STPG2: variants seen among roughly 807,000 people sequenced by gnomAD.
The protein encoded by STPG2 is sperm tail PG-rich repeat containing 2.
STPG2 carries 56 observed loss-of-function variants against 54.2 expected under a neutral mutation model. That is an observed-to-expected ratio of 1.03 (90% confidence interval 0.83 to 1.29). The LOEUF is 1.29. STPG2 is among the 50% of genes most tolerant of loss of function. STPG2 has a pLI of 0.00. For synonymous variants in STPG2, 200 were observed against 181.8 expected (o/e 1.10, Z -0.81); for missense variants, 596 against 544.9 (o/e 1.09, Z -0.93).
At chr4:97,701,663 G>T (rs1415769512) in intron 10 of STPG2, among the ~76,000 whole-genome samples, 1 of 152,152 alleles carries the variant, frequency 6.6e-6, no homozygotes, top group Non-Finnish European at 1.5e-5. Flanking sequence ...TTAGTCTTTT[G>T]TCCATTCAAC....
At chr4:97,889,404 T>A (rs956193182) in intron 8 of STPG2, among the ~76,000 whole-genome samples, 2 of 152,180 alleles carry the variant, frequency 1.3e-5, no homozygotes, top group Non-Finnish European at 2.9e-5. Flanking sequence ...GTAGTCAAGA[T>A]ATGGAATAAA....
chr4:98,019,748 G>A (rs1156367905), intron 5 of STPG2, among the ~76,000 whole-genome samples: 1 of 122,814 alleles, frequency 8.1e-6, no homozygotes, highest in South Asian at 2.8e-4. Context: ...TCGTAAGGTG[G>A]ATTCCTAGGT....
chr4:97,573,297 T>C (rs1400221226), intron 10 of STPG2, among the ~76,000 whole-genome samples: 7 of 152,082 alleles, frequency 4.6e-5, no homozygotes, highest in Non-Finnish European at 8.8e-5. Flanking sequence ...ATAAAAACTA[T>C]AGCTAATATA....
intron 10 of STPG2, among the ~76,000 whole-genome samples, chr4:97,702,151 C>A (rs1399147758): frequency 6.6e-6 from 1 of 152,158 alleles, no homozygotes; most frequent in Non-Finnish European, 1.5e-5. Context: ...CCAAGGGATA[C>A]CACACATTTC....
At chr4:98,126,481 T>G (rs1002378013) in intron 3 of STPG2, among the ~76,000 whole-genome samples, 2 of 152,208 alleles carry the variant, frequency 1.3e-5, no homozygotes, top group Admixed American at 1.3e-4. Context: ...CACTGCCTCC[T>G]TTGGCTAGGG....
chr4:97,954,018 G>T (rs1452324191), intron 7 of STPG2, among the ~76,000 whole-genome samples: 1 of 152,100 alleles, frequency 6.6e-6, no homozygotes, highest in Non-Finnish European at 1.5e-5. Context: ...TATGGTACTA[G>T]AAATTATTAC....
chr4:98,102,722 G>A (rs1004339154), intron 5 of STPG2, among the ~76,000 whole-genome samples: 2 of 151,160 alleles, frequency 1.3e-5, no homozygotes, highest in African/African-American at 2.4e-5. Flanking sequence ...CTTTTCAATC[G>A]ACCATCTGAT....
intron 5 of STPG2, among the ~76,000 whole-genome samples, chr4:98,048,188 A>G (rs1317178809): frequency 6.6e-6 from 1 of 152,176 alleles, no homozygotes; most frequent in Admixed American, 6.5e-5. Context: ...GAAAGGATGA[A>G]GCAATGTATT....
At chr4:97,715,453 C>T (rs900306180) in intron 9 of STPG2, among the ~76,000 whole-genome samples, 2 of 151,994 alleles carry the variant, frequency 1.3e-5, no homozygotes, top group African/African-American at 2.4e-5. Context: ...GAAATGTCAA[C>T]CAATGCTACA....
At chr4:98,040,819 C>T (rs1192660632) in intron 5 of STPG2, among the ~76,000 whole-genome samples, 1 of 151,684 alleles carries the variant, frequency 6.6e-6, no homozygotes, top group Non-Finnish European at 1.5e-5. Flanking sequence ...TTTTTGTTTC[C>T]ATATGAGTTT....
intron 4 of STPG2, among the ~76,000 whole-genome samples, chr4:97,540,605 A>C (rs200081204): frequency 6.6e-6 from 1 of 151,700 alleles, no homozygotes; most frequent in Non-Finnish European, 1.5e-5. Context: ...AAAAGAGGGA[A>C]TCCTCCCTCT....
intron 9 of STPG2, 68 bp downstream of exon 9, chr4:97,840,705 C>A: frequency 1.3e-6 from 2 of 1,520,622 alleles, no homozygotes; most frequent in South Asian, 2.5e-5. Context: ...ATCAATGATT[C>A]TAGATATTTT....
intron 10 of STPG2, among the ~76,000 whole-genome samples, chr4:97,592,018 T>C: frequency 6.6e-6 from 1 of 152,190 alleles, no homozygotes; most frequent in Non-Finnish European, 1.5e-5. Context: ...ATGTGAATTG[T>C]ACAAAAAGGA....
chr4:98,128,337 T>G (rs1203087256), intron 3 of STPG2, 91 bp downstream of exon 3: 28 of 1,205,740 alleles, frequency 2.3e-5, no homozygotes, highest in Non-Finnish European at 3.1e-5. Context: ...TAATCATTTT[T>G]TTCTTGGAGA....
At chr4:97,454,620 T>C (rs1560615405) in intron 4 of STPG2, among the ~76,000 whole-genome samples, 2 of 142,636 alleles carry the variant, frequency 1.4e-5, no homozygotes, top group Non-Finnish European at 3.0e-5. Context: ...AAAATAAATA[T>C]ATAGCATATC....
At position 97,821,988 on chromosome 4, in the gene STPG2, T is replaced by C. The variant is rs559443959; in HGVS notation, c.1204+18785A>G. Among the ~76,000 whole-genome samples the C allele has an allele frequency of 7.2e-5, 11 of 152,362 alleles. No individual in the cohort carries two copies. In the East Asian group the frequency reaches 1.9e-3, roughly 27 times the overall value. On this transcript the variant is annotated intron_variant, in intron 9 of 10. Coordinates refer to ENST00000295268, the MANE Select transcript of STPG2 (RefSeq NM_174952.3). ...TAGCCATGCTAATATCTCCAGCAAG[T>C]GGTTGCTCCATAGCCCCTCTGAATT...
intron 8 of STPG2, among the ~76,000 whole-genome samples, chr4:97,879,148 G>A (rs948142983): frequency 2.6e-5 from 4 of 151,924 alleles, no homozygotes; most frequent in African/African-American, 9.7e-5. Flanking sequence ...ATCATTATCA[G>A]AATTTTGGCC....
intron 5 of STPG2, among the ~76,000 whole-genome samples, chr4:98,089,466 G>C (rs555135238): frequency 9.9e-5 from 15 of 151,722 alleles, no homozygotes; most frequent in South Asian, 4.2e-4. Flanking sequence ...TGGGCACTTA[G>C]GTTGGTTCCA....
chr4:97,707,937 C>G (rs10019787), intron 10 of STPG2, among the ~76,000 whole-genome samples: 89,548 of 151,996 alleles, frequency 0.59, 26,690 homozygotes, highest in South Asian at 0.68. Context: ...TTTTACCAAA[C>G]AAGCATGCAA....
Sources: gnomAD v4.1 joint callset for allele counts (sites outside exome capture counted in the v4.1 genomes callset) on GRCh38, gnomAD v4.1.1 for gene constraint, MANE v1.5 for transcripts, NCBI Gene and HGNC (gene_info 2026-07-23, HGNC 2026-07-21) for gene names.